The following SNX8 variants were observed in gnomAD, a reference collection of about 807,000 sequenced individuals.
SNX8 encodes the protein sorting nexin 8, also known as sorting nexin-8.
A neutral mutation model predicts 51.6 loss-of-function variants in SNX8; 25 were observed. The ratio of observed to expected loss-of-function variants is 0.48; its 90% CI spans 0.35 to 0.68. The LOEUF (loss-of-function observed/expected upper bound fraction) is 0.68, where lower values mean the gene tolerates loss of function less well. SNX8 is among the 30% of genes least tolerant of loss of function. The pLI, the probability that SNX8 is intolerant of heterozygous loss-of-function variation, is 0.00. For missense variants in SNX8, 695 were observed against 624.0 expected, an observed-to-expected ratio of 1.11 and a Z score of -1.21; for synonymous variants, 324 against 277.0, an observed-to-expected ratio of 1.17 and a Z score of -1.68.
At chr7:2,314,261 C>A (rs920449515) in intron 1 of SNX8, 67 bp downstream of exon 1, 6 of 1,211,086 alleles carry the variant, frequency 5.0e-6, no homozygotes, top group Non-Finnish European at 4.1e-6. Flanking sequence ...GGCTGAGCCC[C>A]GTCCGCCGGG....
At chr7:2,309,665 AG>A in intron 1 of SNX8, 1 of 396,508 alleles carries the variant, frequency 2.5e-6, no homozygotes, top group Non-Finnish European at 5.2e-6. Flanking sequence ...CGGGAGGAGG[AG>A]GTTGCGGTGA....
At chr7:2,299,912 A>G (rs1026634501) in intron 1 of SNX8, among the ~76,000 whole-genome samples, 1 of 152,190 alleles carries the variant, frequency 6.6e-6, no homozygotes, top group Admixed American at 6.6e-5. Context: ...GTGAGATACA[A>G]TTAAATCCAT....
chr7:2,308,465 C>G (rs1796593990), intron 1 of SNX8, among the ~76,000 whole-genome samples: 1 of 151,630 alleles, frequency 6.6e-6, no homozygotes, highest in Non-Finnish European at 1.5e-5. Flanking sequence ...GTCAGGAGTT[C>G]GAGACCAGCC....
At chr7:2,258,072 A>G (rs148804022) in intron 7 of SNX8, among the ~76,000 whole-genome samples, 14,080 of 144,770 alleles carry the variant, frequency 0.097, 1,875 homozygotes, top group African/African-American at 0.31. Flanking sequence ...ATGCAGTGGC[A>G]CGATCTCGGC....
chr7:2,271,824 G>A (rs1245278735), intron 4 of SNX8, 26 bp downstream of exon 4: 5 of 1,584,962 alleles, frequency 3.2e-6, no homozygotes, highest in East Asian at 2.3e-5. Context: ...CCGGGGCCGG[G>A]ACATGGGCAG....
intron 1 of SNX8, among the ~76,000 whole-genome samples, chr7:2,292,066 C>T (rs577375153): frequency 2.0e-5 from 3 of 152,326 alleles, no homozygotes; most frequent in East Asian, 3.9e-4. Context: ...GAGTTCGACA[C>T]CAGCCTGACC....
intron 2 of SNX8, among the ~76,000 whole-genome samples, chr7:2,275,725 G>A (rs978771073): frequency 6.6e-6 from 1 of 152,016 alleles, no homozygotes; most frequent in Non-Finnish European, 1.5e-5. Flanking sequence ...AAGGCCGGGC[G>A]CGGTGGCTCA....
chr7:2,337,867 G>C (rs1184058602), intron 1 of SNX8, among the ~76,000 whole-genome samples: 3 of 99,614 alleles, frequency 3.0e-5, no homozygotes. Flanking sequence ...AAAAAAAAAA[G>C]GGAAAAGAAA....
At chr7:2,283,085 C>G (rs2115148051) in intron 1 of SNX8, among the ~76,000 whole-genome samples, 1 of 151,778 alleles carries the variant, frequency 6.6e-6, no homozygotes, top group South Asian at 2.1e-4. Flanking sequence ...CGCGCCACTG[C>G]ACTCCAGCCT....
intron 3 of SNX8, 88 bp from the exon 4 acceptor site, chr7:2,272,059 A>T (rs1488624482): frequency 6.4e-7 from 1 of 1,555,322 alleles, no homozygotes; most frequent in Non-Finnish European, 8.8e-7. Flanking sequence ...CTCTCCCTAG[A>T]GGTGGCAGAG....
chr7:2,253,144 C>T lies in SNX8; in HGVS notation c.*1912G>A, dbSNP rs907672565. 22 of 154,540 alleles carry T rather than the reference C, an allele frequency of 1.4e-4. No homozygotes were observed. Among genetic ancestry groups the T allele is most frequent in the Middle Eastern group, 5.1e-4 (1 of 1,946 alleles). The allele number at this position is 154,540 out of a possible 1,614,324, so 9.6% of individuals were successfully genotyped here. The stretch of plus-strand genomic sequence containing the variant: ...TGAAGTTTCCAACACAGGGAGATGC[C>T]GCCAGGTATGTGGCCTCTCATACAC... On this transcript the variant is annotated 3_prime_UTR_variant, in exon 11 of 11. Transcript: ENST00000222990.
Position 2,314,323 on chromosome 7 carries a change from C to A in SNX8, c.94+5G>T. 8.2e-7 allele frequency: 1 copy of A among 1,222,234 alleles called. No individual in the cohort carries two copies. Among genetic ancestry groups the A allele is most frequent in the Non-Finnish European group, 1.0e-6 (1 of 981,606 alleles). 75.7% of individuals were successfully genotyped at this position (1,222,234 alleles called of 1,614,324 possible). On this transcript the variant is annotated splice_donor_5th_base_variant and intron_variant, in intron 1 of 10. Transcript: ENST00000222990. ...GGTGGGGGCTACCGCCGCCCCACGC[C>A]CTACCTGACGCCGGGGGATCCGCCT...
At chr7:2,319,386 A>G (rs1584737300), upstream of SNX8, among the ~76,000 whole-genome samples, 2 of 151,956 alleles carry the variant, frequency 1.3e-5, no homozygotes, top group Non-Finnish European at 1.5e-5. Flanking sequence ...GTGGCCAGGC[A>G]TGGTGGCTCA....
At chr7:2,319,130 GA>G (rs1052942132), upstream of SNX8, among the ~76,000 whole-genome samples, 2 of 151,500 alleles carry the variant, frequency 1.3e-5, no homozygotes, top group African/African-American at 4.9e-5. Context: ...CCTGAGTTCA[GA>G]AGTTCAAGAC....
chr7:2,268,454 G>C (rs1406656800), intron 5 of SNX8, among the ~76,000 whole-genome samples: 1 of 144,696 alleles, frequency 6.9e-6, no homozygotes, highest in Non-Finnish European at 1.5e-5. Flanking sequence ...GGAGGTGGGG[G>C]GGGTCAGCCC....
At chr7:2,338,588 T>C (rs1299911490) in intron 1 of SNX8, among the ~76,000 whole-genome samples, 1 of 151,860 alleles carries the variant, frequency 6.6e-6, no homozygotes, top group African/African-American at 2.4e-5. Flanking sequence ...GACCCGAGAT[T>C]GCACCTCTGC....
intron 1 of SNX8, among the ~76,000 whole-genome samples, chr7:2,332,351 C>G (rs557214956): frequency 6.6e-6 from 1 of 152,146 alleles, no homozygotes; most frequent in Non-Finnish European, 1.5e-5. Flanking sequence ...AATCTATATC[C>G]TCAGTGCAGT....
chr7:2,297,590 C>T (rs1311113654), intron 1 of SNX8, among the ~76,000 whole-genome samples: 1 of 147,908 alleles, frequency 6.8e-6, no homozygotes, highest in Non-Finnish European at 1.5e-5. Context: ...CCTGCACATG[C>T]CCATTTATCG....
In SNX8 at chr7:2,342,299, T is replaced by C. The variant is rs576266387; in HGVS notation, c.-66+11923A>G. 2.6e-5 allele frequency among the ~76,000 whole-genome samples: 4 copies of C among 152,138 alleles called. No individual in the cohort carries two copies. The East Asian group carries it at 7.7e-4, about 29-fold the overall frequency. On this transcript the variant is annotated intron_variant, in intron 1 of 5. Coordinates refer to the SNX8 transcript ENST00000435336. ...AGAAATGTTCAACACGCAAGATGGATAAATCTCAAAAGCACTGATTGCATG... is the reference window on the plus strand; with the variant it reads ...AGAAATGTTCAACACGCAAGATGGACAAATCTCAAAAGCACTGATTGCATG...
Sources: allele counts gnomAD v4.1 joint callset (sites outside exome capture counted in the v4.1 genomes callset), GRCh38; gene constraint gnomAD v4.1.1; transcripts MANE v1.5; gene names NCBI Gene and HGNC (gene_info 2026-07-23, HGNC 2026-07-21).